The following STK3 variants were observed in gnomAD, a reference collection of about 807,000 sequenced individuals.
The protein encoded by STK3 is serine/threonine kinase 3.
Under a neutral mutation model 58.0 loss-of-function variants are expected in STK3, and 41 were observed. The observed-to-expected ratio is 0.71, with a 90% CI of 0.55 to 0.92. The LOEUF is 0.92. STK3 is among the 40% of genes least tolerant of loss of function. The pLI is 0.00. For missense variants in STK3, 479 were observed against 602.7 expected (o/e 0.79, Z 2.15); for synonymous variants, 170 against 191.0 (o/e 0.89, Z 0.91).
the STK3 span, among the ~76,000 whole-genome samples, chr8:98,347,721 G>A: frequency 6.6e-6 from 1 of 152,062 alleles, no homozygotes; most frequent in Non-Finnish European, 1.5e-5. Context: ...GGATAAAAAA[G>A]CAAGACTGAC....
intron 6 of STK3, among the ~76,000 whole-genome samples, chr8:98,703,585 T>C (rs1456934364): frequency 6.6e-6 from 1 of 152,164 alleles, no homozygotes; most frequent in African/African-American, 2.4e-5. Flanking sequence ...ACACTACCTA[T>C]TCTTTGATCA....
chr8:98,749,039 CT>C (rs1829807728), intron 4 of STK3, among the ~76,000 whole-genome samples: 1 of 151,860 alleles, frequency 6.6e-6, no homozygotes, highest in Admixed American at 6.6e-5. Context: ...ATGGTAGTTT[CT>C]CTGTGACACA....
chr8:98,847,848 G>A (rs1836271280), intron 3 of STK3, among the ~76,000 whole-genome samples: 1 of 151,946 alleles, frequency 6.6e-6, no homozygotes, highest in Non-Finnish European at 1.5e-5. Context: ...TTAGCTCCAG[G>A]TTCAAGTAGG....
At chr8:98,427,898 C>T in intron 3 of STK3, 2 of 1,242,624 alleles carry the variant, frequency 1.6e-6, no homozygotes, top group Non-Finnish European at 2.2e-6. Context: ...CCCGCCAGGG[C>T]GCACGGCGCT....
rs73279731 is a variant in STK3, at chr8:98,920,670, G to A, written c.-79+21708C>T. On this transcript the variant is annotated intron_variant, in intron 1 of 1. Transcript: ENST00000519420. ...TAGTTTGTTCAAATGTTACCCATGT[G>A]CAGTTTGCAAGCCCCCCATGCTCCT... 2.3e-3 allele frequency among the ~76,000 whole-genome samples: 352 copies of A among 152,350 alleles called. No individual in the cohort carries two copies. In the Middle Eastern group the frequency reaches 0.027, roughly 12 times the overall value.
At chr8:98,919,071 G>T (rs959388599) in intron 1 of STK3, among the ~76,000 whole-genome samples, 1 of 152,032 alleles carries the variant, frequency 6.6e-6, no homozygotes, top group Non-Finnish European at 1.5e-5. Context: ...CCAAGATTTC[G>T]CAAGCAAGAT....
chr8:98,930,696 G>A (rs919351753), intron 1 of STK3, among the ~76,000 whole-genome samples: 1 of 152,200 alleles, frequency 6.6e-6, no homozygotes, highest in Admixed American at 6.5e-5. Context: ...TGGATTTCCA[G>A]GAACTGAGTC....
chr8:98,886,169 A>G (rs3019285), intron 1 of STK3, among the ~76,000 whole-genome samples: 145,794 of 152,252 alleles, frequency 0.96, 69,870 homozygotes, highest in East Asian at 1. Flanking sequence ...ATAAAATTGC[A>G]CAGAACTATG....
intron 1 of STK3, among the ~76,000 whole-genome samples, chr8:98,913,781 C>G (rs750358552): frequency 8.1e-4 from 123 of 152,202 alleles, no homozygotes; most frequent in Non-Finnish European, 1.4e-3. Flanking sequence ...ACCAGAAGTC[C>G]AGGAGTGAGA....
At chr8:98,369,824 G>C (rs1187769010), downstream of STK3, among the ~76,000 whole-genome samples, 3 of 152,158 alleles carry the variant, frequency 2.0e-5, no homozygotes, top group Non-Finnish European at 4.4e-5. Context: ...AAGGTTTATT[G>C]CTCAAGTAAT....
chr8:98,385,917 A>G (rs1817786600), intron 1 of STK3, among the ~76,000 whole-genome samples: 1 of 152,142 alleles, frequency 6.6e-6, no homozygotes, highest in Non-Finnish European at 1.5e-5. Context: ...TCATGCTTTC[A>G]TGGGTTCAGA....
chr8:98,693,536 T>C (rs577256567), intron 6 of STK3, among the ~76,000 whole-genome samples: 4 of 151,298 alleles, frequency 2.6e-5, no homozygotes, highest in South Asian at 4.2e-4. Context: ...AAGTGAAAAA[T>C]AGATTATCCT....
At chr8:98,919,343 G>A (rs966876665) in intron 1 of STK3, among the ~76,000 whole-genome samples, 2 of 152,186 alleles carry the variant, frequency 1.3e-5, no homozygotes, top group African/African-American at 4.8e-5. Flanking sequence ...TGTCTTAGTA[G>A]ATAAGCCAGC....
chr8:98,454,665 T>C lies in STK3; in HGVS notation c.*1177A>G, dbSNP rs1467790737. On this transcript the variant is annotated 3_prime_UTR_variant, in exon 11 of 11. Transcript: ENST00000419617. ...TGGCACAGTGAAATTTATTTGTCTT[T>C]ATGATTTACACATAATAATTAAACA... 6.5e-6 allele frequency: 1 copy of C among 152,782 alleles called. No individual in the cohort carries two copies. The highest frequency in any genetic ancestry group is 2.1e-4 in the South Asian group (1 of 4,826). The allele number at this position is 152,782 out of a possible 1,614,324, so 9.5% of individuals were successfully genotyped here.
chr8:98,863,489 A>G (rs1040017032), intron 3 of STK3, among the ~76,000 whole-genome samples: 3 of 152,126 alleles, frequency 2.0e-5, no homozygotes, highest in African/African-American at 4.8e-5. Flanking sequence ...GGAATTCATA[A>G]ACACACACAT....
chr8:98,355,442 G>T, the STK3 span, among the ~76,000 whole-genome samples: 1 of 152,182 alleles, frequency 6.6e-6, no homozygotes, highest in African/African-American at 2.4e-5. Context: ...AGTGATACTG[G>T]CTCTGCTTTA....
At chr8:98,529,794 T>C (rs12547922) in intron 9 of STK3, among the ~76,000 whole-genome samples, 63,254 of 152,030 alleles carry the variant, frequency 0.42, 13,372 homozygotes, top group Admixed American at 0.54. Context: ...ACTGTATGAT[T>C]CCACTTATGT....
intron 3 of STK3, among the ~76,000 whole-genome samples, chr8:98,766,016 A>G (rs1031869635): frequency 3.3e-5 from 5 of 152,056 alleles, no homozygotes; most frequent in Non-Finnish European, 7.4e-5. Context: ...GCACACCCCA[A>G]TGAGTTGTTT....
At chr8:98,721,804 A>G (rs12680195) in intron 4 of STK3, among the ~76,000 whole-genome samples, 38,326 of 152,140 alleles carry the variant, frequency 0.25, 5,508 homozygotes, top group East Asian at 0.42. Context: ...AACAGCACAT[A>G]TATAACCAGA....
Sources: gnomAD v4.1 joint callset for allele counts (sites outside exome capture counted in the v4.1 genomes callset) on GRCh38, gnomAD v4.1.1 for gene constraint, MANE v1.5 for transcripts, NCBI Gene and HGNC (gene_info 2026-07-23, HGNC 2026-07-21) for gene names.